PLCXD1: variants seen among roughly 807,000 people sequenced by gnomAD.
PLCXD1 encodes the protein phosphatidylinositol specific phospholipase C X domain containing 1, also known as PI-PLC X domain-containing protein 1.
In PLCXD1, 45 loss-of-function variants were observed where a neutral mutation model predicts 37.8. The ratio of observed to expected loss-of-function variants is 1.19; its 90% CI spans 0.94 to 1.53. The LOEUF is 1.53. PLCXD1 is among the 40% of genes most tolerant of loss of function. The pLI is 0.00. For synonymous variants in PLCXD1, 246 were observed against 206.9 expected (o/e 1.19, Z -1.62); for missense variants, 539 against 454.7 (o/e 1.19, Z -1.69).
rs1190974677 is a variant in PLCXD1 at position 299,199 on chromosome X, G to A, written c.836G>A (p.Arg279Gln). ...AAGATGACGCTGCCCAACCTTCCGC[G>A]GCTGAGCGCGTGGGTCCGAGAGCAG... ...LEKMTLPNLP[R>Q]LSAWVREQCP... The change falls in exon 7 of 7, where the codon CGG (arginine) becomes CAG (glutamine). Residue 279 changes from arginine (R) to glutamine (Q), a missense_variant. By Grantham distance (43) the Arg-to-Gln change is conservative (BLOSUM62 1). Transcript: ENST00000381657. The A allele has an allele frequency of 1.9e-6, 3 of 1,613,914 alleles. No individual in the cohort carries two copies. The highest frequency in any genetic ancestry group is 1.7e-4 in the Middle Eastern group (1 of 6,056).
Position 299,185 on chromosome X carries a change from G to T in PLCXD1, c.822G>T (p.Leu274=), listed in dbSNP as rs2069915588. ...CCGAGTCCCTGGAGAAGATGACGCT[G>T]CCCAACCTTCCGCGGCTGAGCGCGT... ...HPSESLEKMT[L]PNLPRLSAWV... is the part of the protein sequence containing the mutation. The change falls in exon 7 of 7, where the codon CTG becomes CTT. Residue 274 remains leucine (L), a synonymous_variant. Coordinates refer to ENST00000381657, the MANE Select transcript of PLCXD1 (RefSeq NM_018390.4). 1 of 1,613,804 alleles carries T rather than the reference G, an allele frequency of 6.2e-7. No homozygotes were observed. Among genetic ancestry groups the T allele is most frequent in the African/African-American group, 1.3e-5 (1 of 74,900 alleles).
At chrX:285,247 C>G (rs2069410492) in intron 2 of PLCXD1, among the ~76,000 whole-genome samples, 1 of 152,122 alleles carries the variant, frequency 6.6e-6, no homozygotes, top group African/African-American at 2.4e-5. Context: ...TAGGCACATA[C>G]TAATGCACAC....
intron 2 of PLCXD1, among the ~76,000 whole-genome samples, chrX:287,679 C>T (rs181803194): frequency 7.8e-6 from 1 of 127,908 alleles, no homozygotes; most frequent in Non-Finnish European, 1.6e-5. Flanking sequence ...TACTATATAT[C>T]TTTGTTTATA....
At chrX:284,476 C>T (rs181608466) in intron 2 of PLCXD1, among the ~76,000 whole-genome samples, 162 bp downstream of exon 2, 9 of 151,828 alleles carry the variant, frequency 5.9e-5, no homozygotes, top group Non-Finnish European at 8.8e-5. Context: ...CACACACATA[C>T]ACACAGTGCA....
chrX:279,891 C>T (rs2069226406), upstream of PLCXD1, among the ~76,000 whole-genome samples: 1 of 152,102 alleles, frequency 6.6e-6, no homozygotes, highest in African/African-American at 2.4e-5. Context: ...ACTCTGTCTC[C>T]CAGGCTGGAG....
rs112920828 is a variant in PLCXD1, at chrX:299,277, G to T, written c.914G>T (p.Gly305Val). The T allele has an allele frequency of 0.063, 101,056 of 1,613,686 alleles. 3,395 individuals carry two copies. The highest frequency in any genetic ancestry group is 0.084 in the Middle Eastern group (510 of 6,052). Reference protein sequence around the residue: ...CTNIIAGDFIGADGFVSDVIA... With the variant: ...CTNIIAGDFIVADGFVSDVIA... ...AACATCATCGCGGGGGACTTCATCG[G>T]CGCAGACGGCTTCGTCAGTGACGTC... The change falls in exon 7 of 7, where the codon GGC (glycine) becomes GTC (valine). Residue 305 changes from glycine to valine, a missense_variant. Transcript: ENST00000381657.
upstream of PLCXD1, among the ~76,000 whole-genome samples, chrX:277,318 C>G (rs373906670): frequency 9.9e-5 from 2 of 20,240 alleles, no homozygotes; most frequent in African/African-American, 3.0e-4. Context: ...GTCAGGGGAC[C>G]TGGGATGTGA....
chrX:294,354 C>A (rs182995700), intron 6 of PLCXD1, among the ~76,000 whole-genome samples: 1 of 151,964 alleles, frequency 6.6e-6, no homozygotes, highest in Non-Finnish European at 1.5e-5. Context: ...TGGTGGCGGG[C>A]GCCTGTAATC....
intron 4 of PLCXD1, 88 bp from the exon 5 acceptor site, chrX:291,411 G>T: frequency 1.3e-6 from 2 of 1,486,530 alleles, no homozygotes; most frequent in South Asian, 1.1e-5. Flanking sequence ...CTCCCAAATT[G>T]CTGGGATGAC....
At chrX:285,531 A>G (rs1485293036) in intron 2 of PLCXD1, among the ~76,000 whole-genome samples, 1 of 146,646 alleles carries the variant, frequency 6.8e-6, no homozygotes, top group South Asian at 2.2e-4. Context: ...GTACACACGT[A>G]CATGCATGCA....
At chrX:293,324 T>G (rs1422697554) in intron 6 of PLCXD1, 106 bp downstream of exon 6, 2 of 850,012 alleles carry the variant, frequency 2.4e-6, no homozygotes, top group Non-Finnish European at 3.8e-6. Context: ...TGAAAACAAT[T>G]TAAAAGGAAT....
Position 291,650 on chromosome X carries a change from G to C in PLCXD1, c.545G>C (p.Arg182Pro). 4 of 1,612,418 alleles carry C rather than the reference G, an allele frequency of 2.5e-6. No homozygotes were observed. The highest frequency in any genetic ancestry group is 3.4e-6 in the Non-Finnish European group (4 of 1,179,780). Reference sequence around the variant, plus strand: ...ATCTTCGGGGACATGCTGTGTCCTCGTGGGGTGAGGAGGGGAAGGATATCC... The same window carrying C: ...ATCTTCGGGGACATGCTGTGTCCTCCTGGGGTGAGGAGGGGAAGGATATCC... ...KNIFGDMLCP[R>P]GEVPTLRQLW... is the part of the protein sequence containing the mutation. Residue 182 changes from arginine (R) to proline (P), a missense_variant, in exon 5 of 7, where the codon CGT (arginine) becomes CCT (proline). Arg to Pro is a moderately radical substitution (Grantham distance 103). Coordinates refer to ENST00000381657, the MANE Select transcript of PLCXD1 (RefSeq NM_018390.4).
At chrX:290,797 G>A (rs1322888067) in intron 4 of PLCXD1, 21 bp downstream of exon 4, 8 of 1,609,598 alleles carry the variant, frequency 5.0e-6, no homozygotes, top group South Asian at 1.1e-5. Context: ...GCTGAGGTGG[G>A]ACGCAATGGG....
chrX:300,492 G>C lies in PLCXD1; in HGVS notation c.*1157G>C, dbSNP rs2069974958. ...TGTGTGTGTGTGTATATGTGTGTAT[G>C]TGTGTATATATGTATATGTGTGCAT... On this transcript the variant is annotated 3_prime_UTR_variant, in exon 7 of 7. Transcript: ENST00000381657. 1 of 137,142 alleles carries C rather than the reference G, an allele frequency of 7.3e-6. No individual in the cohort carries two copies. Among genetic ancestry groups the C allele is most frequent in the African/African-American group, 3.0e-5 (1 of 33,228 alleles). The allele number at this position is 137,142 out of a possible 1,614,324, so 8.5% of individuals were successfully genotyped here.
rs2069999841 is a variant in PLCXD1, at chrX:300,944, C to G, written c.*1609C>G. 1 of 152,122 alleles carries G rather than the reference C, an allele frequency of 6.6e-6. No homozygotes were observed. The highest frequency in any genetic ancestry group is 1.5e-5 in the Non-Finnish European group (1 of 68,064). The allele number at this position is 152,122 out of a possible 1,614,324, so 9.4% of individuals were successfully genotyped here. A position where few individuals can be genotyped will look rare whatever the true frequency, so the allele number is the denominator to read the frequency against. ...TCTCAAACTTCTGACCTCAGGTGAT[C>G]TGCCCGCCTCGACCTCCCAAAGTGC... On this transcript the variant is annotated 3_prime_UTR_variant, in exon 7 of 7. Coordinates refer to ENST00000381657, the MANE Select transcript of PLCXD1 (RefSeq NM_018390.4).
At chrX:289,510 C>CTTTTTTTTTTTTTTTTTT (rs1281823641) in intron 3 of PLCXD1, among the ~76,000 whole-genome samples, 2 of 97,786 alleles carry the variant, frequency 2.0e-5, no homozygotes, top group African/African-American at 4.9e-5. Flanking sequence ...CTTTTTCTTT[C>CTTTTTTTTTTTTTTTTTT]TTTTTCTTTT....
At chrX:281,884 A>T (rs1475157633) in intron 1 of PLCXD1, among the ~76,000 whole-genome samples, 200 bp downstream of exon 1, 1 of 152,010 alleles carries the variant, frequency 6.6e-6, no homozygotes, top group Non-Finnish European at 1.5e-5. Context: ...AGTAGCTGGG[A>T]TTACAGGCGT....
chrX:282,387 AAAAAC>A (rs1354726484), intron 1 of PLCXD1, among the ~76,000 whole-genome samples: 1 of 112,198 alleles, frequency 8.9e-6, no homozygotes, highest in Non-Finnish European at 1.9e-5. Flanking sequence ...TGTCTTTAAA[AAAAAC>A]AAAACAAAAC....
chrX:283,021 G>T (rs1217655221), intron 1 of PLCXD1: 1 of 144,546 alleles, frequency 6.9e-6, no homozygotes, highest in Non-Finnish European at 1.5e-5. Context: ...TTATATATAT[G>T]TTATGTATAT....
Sources: allele counts gnomAD v4.1 joint callset (sites outside exome capture counted in the v4.1 genomes callset), GRCh38; gene constraint gnomAD v4.1.1; transcripts MANE v1.5; gene names NCBI Gene and HGNC (gene_info 2026-07-23, HGNC 2026-07-21).